Variants in MARK3 observed in about 807,000 individuals in gnomAD.
MARK3 encodes microtubule affinity regulating kinase 3.
In MARK3, 46 loss-of-function variants were observed where a neutral mutation model predicts 90.1. The ratio of observed to expected loss-of-function variants is 0.51; its 90% CI spans 0.40 to 0.65. MARK3 has a LOEUF of 0.65. MARK3 is among the 30% of genes least tolerant of loss of function. The pLI, the probability that MARK3 is intolerant of heterozygous loss-of-function variation, is 0.00. For missense variants in MARK3, 818 were observed against 947.2 expected, an observed-to-expected ratio of 0.86 and a Z score of 1.79; for synonymous variants, 321 against 332.6, an observed-to-expected ratio of 0.97 and a Z score of 0.38.
intron 3 of MARK3, among the ~76,000 whole-genome samples, chr14:103,428,749 T>A (rs528973437): frequency 8.1e-4 from 124 of 152,266 alleles, no homozygotes; most frequent in Non-Finnish European, 1.4e-3. Flanking sequence ...AGAGTTTTTT[T>A]AAAAATAATA....
At chr14:103,420,124 A>C (rs2092145332) in intron 2 of MARK3, among the ~76,000 whole-genome samples, 1 of 152,202 alleles carries the variant, frequency 6.6e-6, no homozygotes, top group African/African-American at 2.4e-5. Flanking sequence ...AAAAACAGTC[A>C]GCATGCTTTT....
intron 2 of MARK3, among the ~76,000 whole-genome samples, chr14:103,428,041 C>T (rs1465619767): frequency 2.0e-5 from 3 of 152,112 alleles, no homozygotes; most frequent in Non-Finnish European, 2.9e-5. Flanking sequence ...TGACATATTT[C>T]CCCCCTCCCT....
intron 17 of MARK3, among the ~76,000 whole-genome samples, chr14:103,501,904 A>G (rs1004464359): frequency 2.0e-5 from 3 of 152,176 alleles, no homozygotes; most frequent in African/African-American, 7.2e-5. Context: ...TGACACGGAG[A>G]GCTATGTGCA....
At position 103,503,356 on chromosome 14, in the gene MARK3, A is replaced by G; in HGVS notation, c.*129A>G. The G allele has an allele frequency of 3.3e-6, 3 of 895,698 alleles. 1 individual carries two copies. In the South Asian group the frequency reaches 5.5e-5, roughly 16 times the overall value. The allele number at this position is 895,698 out of a possible 1,614,324, so 55.5% of individuals were successfully genotyped here. On this transcript the variant is annotated 3_prime_UTR_variant, in exon 18 of 18. Transcript: ENST00000429436. ...ATCATGAAATTAAAGTCTGAGGACG[A>G]GAGCACGCCTGGGAGCGAAAGCTGG...
chr14:103,489,798 A>C (rs1178146107), intron 14 of MARK3: 1 of 152,214 alleles, frequency 6.6e-6, no homozygotes, highest in Non-Finnish European at 1.5e-5. Context: ...ACTGAGCTGG[A>C]ATTCCAAATA....
intron 1 of MARK3, among the ~76,000 whole-genome samples, chr14:103,399,727 A>AAG (rs2090834783): frequency 7.1e-6 from 1 of 140,984 alleles, no homozygotes; most frequent in Non-Finnish European, 1.5e-5. Context: ...AAAAAAAAAA[A>AAG]GAAAGGAATT....
intron 7 of MARK3, 47 bp downstream of exon 7, chr14:103,462,508 C>T: frequency 1.4e-6 from 2 of 1,388,146 alleles, no homozygotes; most frequent in Non-Finnish European, 1.0e-6. Flanking sequence ...TGTTTGTGTG[C>T]AGTTCTCTCA....
intron 15 of MARK3, among the ~76,000 whole-genome samples, chr14:103,497,863 A>T (rs1004437864): frequency 6.6e-6 from 1 of 152,200 alleles, no homozygotes; most frequent in South Asian, 2.1e-4. Context: ...AAAATGTTTT[A>T]TTACTAGTAC....
intron 2 of MARK3, among the ~76,000 whole-genome samples, chr14:103,413,429 CTTT>C (rs33971338): frequency 7.6e-6 from 1 of 131,730 alleles, no homozygotes. Context: ...TAATAGCATG[CTTT>C]TTTTTTTTTT....
At chr14:103,485,063 C>CAAAAAAAAAAAA (rs34312214) in intron 14 of MARK3, among the ~76,000 whole-genome samples, 2 of 97,748 alleles carry the variant, frequency 2.0e-5, no homozygotes, top group Non-Finnish European at 4.0e-5. Context: ...ACTAAAAATA[C>CAAAAAAAAAAAA]AAAAAAAAAA....
intron 9 of MARK3, 125 bp downstream of exon 9, chr14:103,466,216 A>T (rs976310795): frequency 2.9e-6 from 4 of 1,376,252 alleles, no homozygotes; most frequent in Non-Finnish European, 4.0e-6. Flanking sequence ...TTGAAACATT[A>T]AAAAATATTT....
At chr14:103,420,143 C>T (rs1458140930) in intron 2 of MARK3, among the ~76,000 whole-genome samples, 2 of 152,074 alleles carry the variant, frequency 1.3e-5, no homozygotes, top group African/African-American at 2.4e-5. Flanking sequence ...TTAGTACAAC[C>T]TGGAGGTATG....
intron 2 of MARK3, among the ~76,000 whole-genome samples, chr14:103,406,239 G>T (rs930763169): frequency 6.6e-6 from 1 of 150,738 alleles, no homozygotes; most frequent in Non-Finnish European, 1.5e-5. Context: ...GGTGTCGGGG[G>T]TTGGGACGGA....
At chr14:103,493,138 A>C (rs1318703018) in intron 15 of MARK3, among the ~76,000 whole-genome samples, 2 of 151,952 alleles carry the variant, frequency 1.3e-5, no homozygotes, top group African/African-American at 4.8e-5. Context: ...TATTTAAACT[A>C]AGCTAAATGT....
At chr14:103,433,130 G>A (rs2092632361) in intron 3 of MARK3, among the ~76,000 whole-genome samples, 1 of 143,230 alleles carries the variant, frequency 7.0e-6, no homozygotes, top group Non-Finnish European at 1.5e-5. Context: ...CTGTGACCCA[G>A]GCTGGAGTGC....
chr14:103,453,532 C>T (rs965523568), intron 5 of MARK3, among the ~76,000 whole-genome samples: 1 of 152,184 alleles, frequency 6.6e-6, no homozygotes, highest in African/African-American at 2.4e-5. Flanking sequence ...TTGTAGTAAG[C>T]ATACCTTTGA....
At chr14:103,420,147 A>T (rs1007764886) in intron 2 of MARK3, among the ~76,000 whole-genome samples, 11 of 152,198 alleles carry the variant, frequency 7.2e-5, no homozygotes, top group African/African-American at 2.4e-5. Flanking sequence ...TACAACCTGG[A>T]GGTATGGTTA....
At chr14:103,460,329 C>T (rs951070352) in intron 6 of MARK3, among the ~76,000 whole-genome samples, 1 of 152,002 alleles carries the variant, frequency 6.6e-6, no homozygotes, top group Admixed American at 6.6e-5. Context: ...TCGTGATCCA[C>T]CCGCCTCGGC....
intron 14 of MARK3, among the ~76,000 whole-genome samples, chr14:103,484,781 C>T (rs1386471481): frequency 1.3e-5 from 2 of 151,308 alleles, no homozygotes; most frequent in Non-Finnish European, 2.9e-5. Flanking sequence ...ATTAGCTGGG[C>T]GTGGTGGCAT....
Sources: gnomAD v4.1 joint callset for allele counts (sites outside exome capture counted in the v4.1 genomes callset) on GRCh38, gnomAD v4.1.1 for gene constraint, MANE v1.5 for transcripts, NCBI Gene and HGNC (gene_info 2026-07-23, HGNC 2026-07-21) for gene names.